OXR1: variants seen among roughly 807,000 people sequenced by gnomAD.
The protein encoded by OXR1 is oxidation resistance protein 1.
A neutral mutation model predicts 104.6 loss-of-function variants in OXR1; 41 were observed. The ratio of observed to expected loss-of-function variants is 0.39; its 90% CI spans 0.31 to 0.51. The LOEUF is 0.51. Among genes scored for constraint, OXR1 ranks in the 20% least tolerant of loss-of-function variants. The pLI, the probability that OXR1 is intolerant of heterozygous loss-of-function variation, is 0.77. For synonymous variants in OXR1, 348 were observed against 348.4 expected (o/e 1.00, Z 0.01); for missense variants, 955 against 1,031.9 (o/e 0.93, Z 1.02).
intron 2 of OXR1, among the ~76,000 whole-genome samples, chr8:106,383,663 T>A (rs1342135993): frequency 6.6e-6 from 1 of 152,204 alleles, no homozygotes; most frequent in African/African-American, 2.4e-5. Flanking sequence ...AAACTCCAGC[T>A]TCACATAGCT....
intron 3 of OXR1, among the ~76,000 whole-genome samples, chr8:106,596,052 C>A (rs1470410433): frequency 6.6e-6 from 1 of 151,990 alleles, no homozygotes; most frequent in Non-Finnish European, 1.5e-5. Flanking sequence ...TCTACTGACG[C>A]TTCTTTTCTT....
Position 106,588,038 on chromosome 8 carries a change from G to T in OXR1, c.220+68899G>T, listed in dbSNP as rs563967106. On this transcript the variant is annotated intron_variant, in intron 3 of 16. Transcript: ENST00000517566. ...ACAATCTCGGCTCACTGCAAGCTCC[G>T]CCTGTGGGGTTCACGCCATTCTCCT... Among the ~76,000 whole-genome samples, 26 of 151,372 alleles carry T rather than the reference G, an allele frequency of 1.7e-4. No individual in the cohort carries two copies. In the South Asian group the frequency reaches 5.4e-3, roughly 32 times the overall value.
intron 3 of OXR1, among the ~76,000 whole-genome samples, chr8:106,583,498 A>G (rs919691943): frequency 6.6e-6 from 1 of 152,198 alleles, no homozygotes; most frequent in African/African-American, 2.4e-5. Context: ...AAGATGGCGG[A>G]TTAAATGCAA....
intron 2 of OXR1, among the ~76,000 whole-genome samples, chr8:106,393,506 G>T (rs1163076307): frequency 6.6e-6 from 1 of 152,014 alleles, no homozygotes; most frequent in African/African-American, 2.4e-5. Context: ...TCTTTCCATT[G>T]CTATAAGAAA....
chr8:106,638,023 C>T (rs1220525576), intron 3 of OXR1, among the ~76,000 whole-genome samples: 1 of 152,020 alleles, frequency 6.6e-6, no homozygotes, highest in African/African-American at 2.4e-5. Flanking sequence ...CCTCGGCCTC[C>T]CAAAGTGCTG....
At chr8:106,693,631 A>T (rs1313973761) in intron 7 of OXR1, among the ~76,000 whole-genome samples, 2 of 151,936 alleles carry the variant, frequency 1.3e-5, no homozygotes, top group Non-Finnish European at 2.9e-5. Context: ...GGGTTTCACC[A>T]TGTTGGTCAG....
chr8:106,310,180 AAC>A (rs1813638834), intron 1 of OXR1, among the ~76,000 whole-genome samples: 1 of 151,396 alleles, frequency 6.6e-6, no homozygotes, highest in African/African-American at 2.4e-5. Context: ...ACATTTCTTT[AAC>A]AATATTTTGT....
At chr8:106,387,494 G>A (rs575837475) in intron 2 of OXR1, among the ~76,000 whole-genome samples, 6 of 151,854 alleles carry the variant, frequency 4.0e-5, no homozygotes, top group Non-Finnish European at 7.4e-5. Context: ...GAGATTGTTG[G>A]GTGTTTCTCT....
intron 1 of OXR1, among the ~76,000 whole-genome samples, chr8:106,345,709 C>T (rs923909450): frequency 1.3e-5 from 2 of 152,136 alleles, no homozygotes; most frequent in African/African-American, 4.8e-5. Flanking sequence ...ATAAAACATA[C>T]GTTTGATCAT....
chr8:106,727,200 T>G (rs2131497629), intron 11 of OXR1, among the ~76,000 whole-genome samples: 1 of 151,920 alleles, frequency 6.6e-6, no homozygotes, highest in South Asian at 2.1e-4. Flanking sequence ...CACCGTTGTT[T>G]TTTTTTTAAA....
chr8:106,521,707 T>A (rs929956667), intron 3 of OXR1, among the ~76,000 whole-genome samples: 2 of 152,070 alleles, frequency 1.3e-5, no homozygotes, highest in African/African-American at 4.8e-5. Flanking sequence ...AGAAACGGGG[T>A]TTCACTGCGT....
At chr8:106,602,140 C>T (rs1336939877) in intron 3 of OXR1, among the ~76,000 whole-genome samples, 2 of 152,162 alleles carry the variant, frequency 1.3e-5, no homozygotes, top group Non-Finnish European at 2.9e-5. Flanking sequence ...AGAGAGAACC[C>T]AGGAAAGCCA....
At chr8:106,685,868 A>G (rs1258232748) in intron 6 of OXR1, among the ~76,000 whole-genome samples, 1 of 152,150 alleles carries the variant, frequency 6.6e-6, no homozygotes, top group Non-Finnish European at 1.5e-5. Context: ...AAAATAGGGA[A>G]CCACCCCAAA....
chr8:106,564,231 G>A (rs879244419), intron 3 of OXR1, among the ~76,000 whole-genome samples: 35 of 151,956 alleles, frequency 2.3e-4, no homozygotes, highest in African/African-American at 3.4e-4. Flanking sequence ...TTGATAGACC[G>A]CTAGCCATAC....
At chr8:106,487,893 G>A (rs1474886848) in intron 2 of OXR1, among the ~76,000 whole-genome samples, 1 of 151,858 alleles carries the variant, frequency 6.6e-6, no homozygotes, top group Non-Finnish European at 1.5e-5. Context: ...ACGTATGCAT[G>A]TGTCTTTAGA....
chr8:106,396,399 C>T (rs990278834), intron 2 of OXR1, among the ~76,000 whole-genome samples: 2 of 152,016 alleles, frequency 1.3e-5, no homozygotes, highest in Admixed American at 6.6e-5. Flanking sequence ...GAGGAGGGTG[C>T]CTCATGTTTG....
At chr8:106,717,348 T>C (rs1222845121) in intron 11 of OXR1, among the ~76,000 whole-genome samples, 1 of 152,184 alleles carries the variant, frequency 6.6e-6, no homozygotes, top group African/African-American at 2.4e-5. Flanking sequence ...CCGTGATGTT[T>C]TTTATTTTTT....
chr8:106,284,954 G>T (rs529088461), intron 1 of OXR1, among the ~76,000 whole-genome samples: 2 of 152,282 alleles, frequency 1.3e-5, no homozygotes, highest in South Asian at 4.1e-4. Flanking sequence ...CCCTTATAGG[G>T]ATGGTAATCT....
intron 12 of OXR1, among the ~76,000 whole-genome samples, 161 bp downstream of exon 12, chr8:106,737,761 T>C (rs1018426584): frequency 1.1e-4 from 17 of 152,172 alleles, no homozygotes; most frequent in Admixed American, 9.2e-4. Context: ...TGAAGAGCTG[T>C]GGATTATCTT....
Sources: allele counts gnomAD v4.1 joint callset (sites outside exome capture counted in the v4.1 genomes callset), GRCh38; gene constraint gnomAD v4.1.1; transcripts MANE v1.5; gene names NCBI Gene and HGNC (gene_info 2026-07-23, HGNC 2026-07-21).